Variants in PCDHGA2 observed in about 807,000 individuals in gnomAD.
The protein encoded by PCDHGA2 is protocadherin gamma-A2.
Under a neutral mutation model 59.2 loss-of-function variants are expected in PCDHGA2, and 40 were observed. The ratio of observed to expected loss-of-function variants is 0.68; its 90% CI spans 0.52 to 0.88. The LOEUF (loss-of-function observed/expected upper bound fraction) is 0.88. Ranked by LOEUF, PCDHGA2 falls within the 40% of genes least tolerant of loss-of-function variation. PCDHGA2 has a pLI of 0.00. For synonymous variants in PCDHGA2, 560 were observed against 526.0 expected (o/e 1.06, Z -0.89); for missense variants, 1,226 against 1,204.0 (o/e 1.02, Z -0.27).
At chr5:141,414,225 G>A in intron 1 of PCDHGA2, 1 of 1,613,398 alleles carries the variant, frequency 6.2e-7, no homozygotes, top group Non-Finnish European at 8.5e-7. Context: ...ACAGTCCAGA[G>A]CTGACCATCA....
In PCDHGA2 at chr5:141,432,661, C is replaced by T; in HGVS notation, c.2425-62146C>T. ...TGCGCACGGCGCGAGCCCTGCTGGACAGAGACGCGCTCAAGCAGAGCCTCG... is the reference window on the plus strand; with the variant it reads ...TGCGCACGGCGCGAGCCCTGCTGGATAGAGACGCGCTCAAGCAGAGCCTCG... On this transcript the variant is annotated intron_variant, in intron 1 of 3. Transcript: ENST00000394576. This position sits in a 1 kb window ranked among gnomAD's most constrained non-coding sequence, Gnocchi z 6.0. 3.1e-6 allele frequency: 5 copies of T among 1,613,886 alleles called. No homozygotes were observed. In the South Asian group the frequency reaches 5.5e-5, roughly 18 times the overall value.
intron 1 of PCDHGA2, chr5:141,394,722 G>A (rs1483795023): frequency 2.5e-6 from 4 of 1,613,314 alleles, no homozygotes; most frequent in Admixed American, 3.3e-5. Flanking sequence ...GGACAGAGAT[G>A]CGCTCAAGCA....
At position 141,431,427 on chromosome 5, in the gene PCDHGA2, C is replaced by G. The variant is rs1269666597; in HGVS notation, c.2425-63380C>G. The stretch of plus-strand genomic sequence containing the variant: ...TCCGACGGGGGCGACCCGGTGCGCA[C>G]AGGCACCGCGCGCATCCGCGTGATG... On this transcript the variant is annotated intron_variant, in intron 1 of 3. Transcript: ENST00000394576. The surrounding 1 kb of genome is among the most constrained non-coding windows in gnomAD (Gnocchi z 4.8). 1.2e-6 allele frequency: 2 copies of G among 1,613,584 alleles called. No homozygotes were observed.
chr5:141,429,698 A>G (rs1436698608), intron 1 of PCDHGA2, among the ~76,000 whole-genome samples: 2 of 152,228 alleles, frequency 1.3e-5, no homozygotes, highest in Admixed American at 6.5e-5. Flanking sequence ...ATATCTTTAC[A>G]GTATAAATAT....
chr5:141,435,542 A>C (rs1402711516), intron 1 of PCDHGA2, among the ~76,000 whole-genome samples: 1 of 152,146 alleles, frequency 6.6e-6, no homozygotes, highest in Non-Finnish European at 1.5e-5. Flanking sequence ...GAATTAACAA[A>C]ATGTGTTTTG....
Position 141,394,580 on chromosome 5 carries a change from C to T in PCDHGA2, c.2424+53185C>T, listed in dbSNP as rs779590383. ...CCGCAGAGCGTGGCTACCTGGTGAC[C>T]AAGGTGGTGGCGGTGGACAGAGACT... On this transcript the variant is annotated intron_variant, in intron 1 of 3. Transcript: ENST00000394576. The T allele has an allele frequency of 1.5e-5, 24 of 1,613,914 alleles. No individual in the cohort carries two copies. The South Asian group carries it at 2.6e-4, about 18-fold the overall frequency.
rs751336232 is a variant in PCDHGA2 at position 141,341,314 on chromosome 5, C to G, written c.2343C>G (p.Ser781Arg). ...CCAACTATGCGGACACGCTCATCAG[C>G]CAGGAGAGCTGTGAGAAAAAGGATT... ...PQPNYADTLI[S>R]QESCEKKDFL... Residue 781 changes from serine (S) to arginine (R), a missense_variant, in exon 1 of 4, where the codon AGC becomes AGG. Transcript: ENST00000394576. 6.2e-7 allele frequency: 1 copy of G among 1,614,258 alleles called. No homozygotes were observed. Among genetic ancestry groups the G allele is most frequent in the Non-Finnish European group, 8.5e-7 (1 of 1,180,054 alleles).
intron 1 of PCDHGA2, chr5:141,478,453 C>T: frequency 6.2e-7 from 1 of 1,613,594 alleles, no homozygotes; most frequent in Non-Finnish European, 8.5e-7. Context: ...CTGGTGCAGC[C>T]AGTCCACTGG....
In PCDHGA2 at chr5:141,427,967, G is replaced by A. The variant is rs535332244; in HGVS notation, c.2425-66840G>A. On this transcript the variant is annotated intron_variant, in intron 1 of 3. Coordinates refer to ENST00000394576, the MANE Select transcript of PCDHGA2 (RefSeq NM_018915.4). The stretch of plus-strand genomic sequence containing the variant: ...TCAATGACAATGTGCCGCGGGTGCT[G>A]TACCCCGCGCTGGGGCCCGATGGCT... 10 of 1,591,190 alleles carry A rather than the reference G, an allele frequency of 6.3e-6. No individual in the cohort carries two copies. In the East Asian group the frequency reaches 8.9e-5, roughly 14 times the overall value.
chr5:141,356,080 T>C, intron 1 of PCDHGA2: 4 of 1,613,922 alleles, frequency 2.5e-6, no homozygotes, highest in East Asian at 2.2e-5. Flanking sequence ...GCTATTTCAG[T>C]TGAATTCTCT....
intron 1 of PCDHGA2, among the ~76,000 whole-genome samples, chr5:141,401,848 T>C (rs1476670200): frequency 6.6e-6 from 1 of 152,230 alleles, no homozygotes; most frequent in Non-Finnish European, 1.5e-5. Flanking sequence ...TACCACTTAC[T>C]TTTAACCTTT....
chr5:141,421,901 G>C (rs754277661), intron 1 of PCDHGA2: 1 of 1,613,724 alleles, frequency 6.2e-7, no homozygotes, highest in East Asian at 2.2e-5. Flanking sequence ...ATCCGAAAGG[G>C]CGCAGTTCCC....
chr5:141,468,847 C>T (rs2099182933), intron 1 of PCDHGA2, among the ~76,000 whole-genome samples: 1 of 151,986 alleles, frequency 6.6e-6, no homozygotes, highest in African/African-American at 2.4e-5. Flanking sequence ...GCCTGGGCAA[C>T]AGAGCGAGAC....
chr5:141,423,678 G>A (rs1161093615), intron 1 of PCDHGA2: 3 of 1,496,158 alleles, frequency 2.0e-6, no homozygotes, highest in Non-Finnish European at 2.7e-6. Flanking sequence ...TTATTTCTCT[G>A]CCTCCTAATT....
At chr5:141,388,580 G>T (rs376569160) in intron 1 of PCDHGA2, 1 of 1,613,868 alleles carries the variant, frequency 6.2e-7, no homozygotes, top group Admixed American at 1.7e-5. Flanking sequence ...ACGTTCTAGT[G>T]ACTGATGCCA....
chr5:141,368,584 T>C (rs988612608), intron 1 of PCDHGA2, among the ~76,000 whole-genome samples: 1 of 152,088 alleles, frequency 6.6e-6, no homozygotes, highest in African/African-American at 2.4e-5. Context: ...GGGTAAGGTG[T>C]TTGGGAAAAA....
intron 1 of PCDHGA2, chr5:141,396,465 C>T (rs1471669939): frequency 6.6e-6 from 1 of 152,072 alleles, no homozygotes; most frequent in African/African-American, 2.4e-5. Flanking sequence ...CTAAAAACTA[C>T]AAAAATTAGC....
intron 1 of PCDHGA2, chr5:141,440,034 A>T (rs995962283): frequency 6.5e-6 from 1 of 153,052 alleles, no homozygotes; most frequent in African/African-American, 2.4e-5. Context: ...AGTGTCGAGG[A>T]CATGCCCACT....
intron 1 of PCDHGA2, chr5:141,361,331 A>G (rs752611157): frequency 6.2e-7 from 1 of 1,613,970 alleles, no homozygotes; most frequent in South Asian, 1.1e-5. Flanking sequence ...TCTTCCTCAA[A>G]GAACTATTAC....
Sources: allele counts gnomAD v4.1 joint callset (sites outside exome capture counted in the v4.1 genomes callset), GRCh38; gene constraint gnomAD v4.1.1; non-coding constraint Gnocchi (gnomAD v3.1); transcripts MANE v1.5; gene names NCBI Gene and HGNC (gene_info 2026-07-23, HGNC 2026-07-21).